ZMAT4: variants seen among roughly 807,000 people sequenced by gnomAD.
ZMAT4 encodes zinc finger matrin-type 4, also known as zinc finger matrin-type protein 4.
In ZMAT4, 17 loss-of-function variants were observed where a neutral mutation model predicts 28.7. That is an observed-to-expected ratio of 0.59 (90% CI 0.41 to 0.89). ZMAT4 has a LOEUF of 0.89. Ranked by LOEUF, ZMAT4 falls within the 40% of genes least tolerant of loss-of-function variation. The pLI is 0.00. For missense variants in ZMAT4, 240 were observed against 283.8 expected (o/e 0.85, Z 1.11); for synonymous variants, 117 against 109.2 (o/e 1.07, Z -0.44).
At chr8:40,877,152 C>A (rs1470547587) in intron 1 of ZMAT4, among the ~76,000 whole-genome samples, 1 of 152,136 alleles carries the variant, frequency 6.6e-6, no homozygotes, top group African/African-American at 2.4e-5. Context: ...GATGAAGACC[C>A]ACAGGGAGGA....
intron 1 of ZMAT4, among the ~76,000 whole-genome samples, chr8:40,889,004 G>A (rs1586230434): frequency 6.6e-6 from 1 of 152,226 alleles, no homozygotes; most frequent in African/African-American, 2.4e-5. Context: ...GTGTGGGGCA[G>A]TAAAGTTTCT....
chr8:40,842,878 C>T (rs1684356459), intron 1 of ZMAT4, among the ~76,000 whole-genome samples: 1 of 152,222 alleles, frequency 6.6e-6, no homozygotes, highest in African/African-American at 2.4e-5. Context: ...GAGGTTCAAG[C>T]AATTCTCCTG....
chr8:40,558,070 C>T (rs553598653), intron 6 of ZMAT4, among the ~76,000 whole-genome samples: 24 of 152,098 alleles, frequency 1.6e-4, no homozygotes, highest in Middle Eastern at 3.4e-3. Flanking sequence ...GAGCAGGAAA[C>T]GCCAGTTAGG....
chr8:40,557,894 T>C (rs1161141223), intron 6 of ZMAT4, among the ~76,000 whole-genome samples: 2 of 152,088 alleles, frequency 1.3e-5, no homozygotes, highest in African/African-American at 4.8e-5. Flanking sequence ...TAGATTGATA[T>C]GATAAAAAGA....
chr8:40,876,525 A>G (rs1203209288), intron 1 of ZMAT4, among the ~76,000 whole-genome samples: 1 of 151,974 alleles, frequency 6.6e-6, no homozygotes, highest in Non-Finnish European at 1.5e-5. Context: ...TGTGTTGCTC[A>G]GACTGGTCTC....
intron 3 of ZMAT4, among the ~76,000 whole-genome samples, chr8:40,708,281 A>T (rs1467177577): frequency 6.6e-6 from 1 of 152,172 alleles, no homozygotes; most frequent in Non-Finnish European, 1.5e-5. Context: ...TCAGGAGCGC[A>T]TGTCCCATCC....
At chr8:40,619,992 C>A (rs1259353378) in intron 5 of ZMAT4, among the ~76,000 whole-genome samples, 1 of 152,128 alleles carries the variant, frequency 6.6e-6, no homozygotes, top group Non-Finnish European at 1.5e-5. Flanking sequence ...AAGGAAAATG[C>A]ACAGTAGAAA....
chr8:40,871,753 C>G (rs994581386), intron 1 of ZMAT4, among the ~76,000 whole-genome samples: 1 of 152,186 alleles, frequency 6.6e-6, no homozygotes, highest in African/African-American at 2.4e-5. Flanking sequence ...CACAATTTCC[C>G]TTTCAGCACT....
rs1817197028 is a variant in ZMAT4 at position 40,853,687 on chromosome 8, G to A, written c.-4-28007C>T. Among the ~76,000 whole-genome samples the A allele has an allele frequency of 3.3e-5, 5 of 152,178 alleles. No homozygotes were observed. The South Asian group carries it at 8.3e-4, about 25-fold the overall frequency. ...TGAGGCAGTTGCACTGATTTTCAGT[G>A]ATTTGGTGCCATTGTCTTGATTTGG... On this transcript the variant is annotated intron_variant, in intron 1 of 6. Coordinates refer to ENST00000297737, the MANE Select transcript of ZMAT4 (RefSeq NM_024645.3).
chr8:40,894,181 C>A (rs947191613), intron 1 of ZMAT4, among the ~76,000 whole-genome samples: 1 of 152,202 alleles, frequency 6.6e-6, no homozygotes, highest in African/African-American at 2.4e-5. Flanking sequence ...GTGGGACTCT[C>A]CAGGTGTCAG....
chr8:40,836,539 G>T (rs1391195525), intron 1 of ZMAT4, among the ~76,000 whole-genome samples: 1 of 152,118 alleles, frequency 6.6e-6, no homozygotes. Context: ...ATAAACTGAG[G>T]TACAGTCACA....
intron 3 of ZMAT4, among the ~76,000 whole-genome samples, chr8:40,741,942 T>C (rs1812020807): frequency 6.6e-6 from 1 of 152,142 alleles, no homozygotes; most frequent in African/African-American, 2.4e-5. Context: ...TATTTTAGTA[T>C]ATAAAAAGTA....
chr8:40,895,722 C>T (rs2150675040), intron 1 of ZMAT4, among the ~76,000 whole-genome samples: 1 of 152,204 alleles, frequency 6.6e-6, no homozygotes, highest in African/African-American at 2.4e-5. Context: ...CGATAGAAAT[C>T]CAACAGATTG....
chr8:40,889,290 C>A (rs948484268), intron 1 of ZMAT4, among the ~76,000 whole-genome samples: 3 of 152,244 alleles, frequency 2.0e-5, no homozygotes, highest in African/African-American at 4.8e-5. Context: ...GCAGGCGGCA[C>A]TTGCCGCATT....
At chr8:40,599,366 G>A (rs1476123079) in intron 5 of ZMAT4, among the ~76,000 whole-genome samples, 1 of 151,800 alleles carries the variant, frequency 6.6e-6, no homozygotes, top group Non-Finnish European at 1.5e-5. Flanking sequence ...ACATACATAT[G>A]TATACACAGC....
chr8:40,697,194 G>T (rs369995616), intron 4 of ZMAT4, 51 bp downstream of exon 4: 326 of 1,514,892 alleles, frequency 2.2e-4, no homozygotes, highest in Non-Finnish European at 2.7e-4. Context: ...TGCAAGACAG[G>T]CCAGCACTTG....
intron 3 of ZMAT4, among the ~76,000 whole-genome samples, chr8:40,716,268 G>A (rs980891685): frequency 3.3e-5 from 5 of 152,106 alleles, no homozygotes; most frequent in East Asian, 1.9e-4. Context: ...AGGGCCCCTC[G>A]CCAGACCTGC....
At chr8:40,552,741 A>G (rs543567541) in intron 6 of ZMAT4, among the ~76,000 whole-genome samples, 1 of 152,280 alleles carries the variant, frequency 6.6e-6, no homozygotes, top group South Asian at 2.1e-4. Flanking sequence ...CAGATGACCA[A>G]AAGGCCACAC....
intron 1 of ZMAT4, among the ~76,000 whole-genome samples, chr8:40,851,125 G>A (rs1817088095): frequency 6.6e-6 from 1 of 152,068 alleles, no homozygotes; most frequent in Non-Finnish European, 1.5e-5. Context: ...TCAGGATTTC[G>A]AGACCAGCCT....
Sources: allele counts gnomAD v4.1 joint callset (sites outside exome capture counted in the v4.1 genomes callset), GRCh38; gene constraint gnomAD v4.1.1; transcripts MANE v1.5; gene names NCBI Gene and HGNC (gene_info 2026-07-23, HGNC 2026-07-21).